Variants in CRYGA observed in about 807,000 individuals in gnomAD.
The protein encoded by CRYGA is crystallin gamma A.
A neutral mutation model predicts 13.8 loss-of-function variants in CRYGA; 11 were observed. The ratio of observed to expected loss-of-function variants is 0.80; its 90% CI spans 0.50 to 1.32. CRYGA has a LOEUF of 1.32. Among genes scored for constraint, CRYGA ranks in the 40% most tolerant of loss-of-function variants. The pLI, the probability that CRYGA is intolerant of heterozygous loss-of-function variation, is 0.00. For missense variants in CRYGA, 271 were observed against 234.1 expected (o/e 1.16, Z -1.03); for synonymous variants, 97 against 89.3 (o/e 1.09, Z -0.48).
Position 208,160,856 on chromosome 2 carries a change from C to G in CRYGA, c.473G>C (p.Gly158Ala). 6.2e-7 allele frequency: 1 copy of G among 1,612,368 alleles called. No individual in the cohort carries two copies. The highest frequency in any genetic ancestry group is 8.5e-7 in the Non-Finnish European group (1 of 1,178,438). Residue 158 changes from glycine to alanine, a missense_variant, in exon 3 of 3, where the codon GGG becomes GCG. Gly to Ala is a moderately conservative substitution (Grantham distance 60). Coordinates refer to ENST00000304502, the MANE Select transcript of CRYGA (RefSeq NM_014617.4). ...PGDYRRYHDW[G>A]GADAKVGSLR... is the part of the protein sequence containing the mutation. ...AGAGCCGACTTTGGCATCTGCACCCCCCCAGTCGTGGTACCTTCTGTAGTC... is the reference window on the plus strand; with the variant it reads ...AGAGCCGACTTTGGCATCTGCACCCGCCCAGTCGTGGTACCTTCTGTAGTC...
In CRYGA at chr2:208,163,275, C is replaced by G; in HGVS notation, c.181G>C (p.Gly61Arg). ...YQGHQYFLRR[G>R]KYPDYQHWMG... ...CAGTGCTGATAGTCGGGGTACTTGC[C>G]TCGGCGCAGGAAGTACTGGTGGCCC... Residue 61 changes from glycine to arginine, a missense_variant, in exon 2 of 3, where the codon GGC becomes CGC. Coordinates refer to ENST00000304502, the MANE Select transcript of CRYGA (RefSeq NM_014617.4). The G allele has an allele frequency of 1.2e-6, 2 of 1,614,050 alleles. No individual in the cohort carries two copies. The highest frequency in any genetic ancestry group is 1.7e-6 in the Non-Finnish European group (2 of 1,180,022).
chr2:208,161,943 T>A (rs981649426), intron 2 of CRYGA, among the ~76,000 whole-genome samples: 9 of 152,136 alleles, frequency 5.9e-5, no homozygotes, highest in South Asian at 2.1e-4. Context: ...TTTTTTATTT[T>A]TTTATTTTTT....
chr2:208,163,582 T>G lies in CRYGA; in HGVS notation c.-26A>C. 6.2e-7 allele frequency: 1 copy of G among 1,606,332 alleles called. No individual in the cohort carries two copies. The highest frequency in any genetic ancestry group is 8.5e-7 in the Non-Finnish European group (1 of 1,177,268). ...GGTTGTTGACAGAGGGTGATTAGCA[T>G]CTAGTATGATAGGGACAAAGGGGCA... On this transcript the variant is annotated 5_prime_UTR_variant, in exon 1 of 3. The change abolishes an upstream ATG in the 5' untranslated region. Transcript: ENST00000304502.
chr2:208,161,168 G>A (rs1404006373), intron 2 of CRYGA, 92 bp from the exon 3 acceptor site: 1 of 1,249,056 alleles, frequency 8.0e-7, no homozygotes, highest in Non-Finnish European at 1.1e-6. Flanking sequence ...TCTTCATGAA[G>A]CATGGCTTTT....
At chr2:208,162,901 C>T (rs1407801703) in intron 2 of CRYGA, among the ~76,000 whole-genome samples, 1 of 138,730 alleles carries the variant, frequency 7.2e-6, no homozygotes, top group African/African-American at 2.7e-5. Context: ...TTCTTTCTTT[C>T]TTTTTTTTTT....
At chr2:208,163,078 G>T in intron 2 of CRYGA, 126 bp downstream of exon 2, 1 of 761,234 alleles carries the variant, frequency 1.3e-6, no homozygotes, top group Non-Finnish European at 2.2e-6. Context: ...ATGTTTGAGG[G>T]TCAGGCCTTG....
At chr2:208,161,267 G>A (rs1695752988) in intron 2 of CRYGA, among the ~76,000 whole-genome samples, 191 bp from the exon 3 acceptor site, 1 of 152,046 alleles carries the variant, frequency 6.6e-6, no homozygotes, top group Non-Finnish European at 1.5e-5. Flanking sequence ...TCACCTCCTG[G>A]GCTTAAGTAA....
chr2:208,161,171 T>C, intron 2 of CRYGA, 95 bp from the exon 3 acceptor site: 2 of 1,202,926 alleles, frequency 1.7e-6, no homozygotes, highest in South Asian at 1.5e-5. Flanking sequence ...TCATGAAGCA[T>C]GGCTTTTATT....
In CRYGA at chr2:208,160,864, G is replaced by A. The variant is rs754121301; in HGVS notation, c.465C>T (p.His155=). The A allele has an allele frequency of 3.7e-6, 6 of 1,611,936 alleles. No individual in the cohort carries two copies. The highest frequency in any genetic ancestry group is 1.7e-4 in the Middle Eastern group (1 of 6,058). The change falls in exon 3 of 3, where the codon CAC becomes CAT. Residue 155 remains histidine, a synonymous_variant. Coordinates refer to ENST00000304502, the MANE Select transcript of CRYGA (RefSeq NM_014617.4). ...CTTTGGCATCTGCACCCCCCCAGTCGTGGTACCTTCTGTAGTCCCCAGGCC... is the reference window on the plus strand; with the variant it reads ...CTTTGGCATCTGCACCCCCCCAGTCATGGTACCTTCTGTAGTCCCCAGGCC... ...LLRPGDYRRY[H]DWGGADAKVG... is the part of the protein sequence containing the mutation.
At chr2:208,163,116 T>C in intron 2 of CRYGA, 88 bp downstream of exon 2, 4 of 1,119,140 alleles carry the variant, frequency 3.6e-6, no homozygotes, top group Non-Finnish European at 5.3e-6. Context: ...ACTCATCCTG[T>C]GTTGGAACAA....
At chr2:208,163,487 G>T (rs765662559) in intron 1 of CRYGA, 41 bp from the exon 2 acceptor site, 18 of 1,612,530 alleles carry the variant, frequency 1.1e-5, no homozygotes, top group Non-Finnish European at 2.5e-6. Context: ...TCAGCTGGAA[G>T]GAACATCCCC....
intron 2 of CRYGA, among the ~76,000 whole-genome samples, chr2:208,161,531 T>C (rs953197114): frequency 5.9e-5 from 9 of 152,220 alleles, no homozygotes; most frequent in African/African-American, 2.2e-4. Flanking sequence ...CTGAACCCAC[T>C]TTCAATGTTG....
chr2:208,161,430 T>C (rs1695756329), intron 2 of CRYGA, among the ~76,000 whole-genome samples: 2 of 147,600 alleles, frequency 1.4e-5, no homozygotes, highest in Admixed American at 7.0e-5. Context: ...TTCTCTCACC[T>C]TGGCCTCCCA....
chr2:208,163,264 G>A lies in CRYGA; in HGVS notation c.192C>T (p.Pro64=), dbSNP rs200475169. Residue 64 remains proline (P), a synonymous_variant, in exon 2 of 3, where the codon CCC becomes CCT. Coordinates refer to ENST00000304502, the MANE Select transcript of CRYGA (RefSeq NM_014617.4). ...HQYFLRRGKY[P]DYQHWMGLSD... ...TGAGGCCCATCCAGTGCTGATAGTC[G>A]GGGTACTTGCCTCGGCGCAGGAAGT... The A allele has an allele frequency of 9.3e-5, 150 of 1,613,964 alleles. 1 individual carries two copies. The East Asian group carries it at 2.1e-3, about 22-fold the overall frequency.
At chr2:208,162,212 C>T (rs1234907196) in intron 2 of CRYGA, among the ~76,000 whole-genome samples, 5 of 152,100 alleles carry the variant, frequency 3.3e-5, no homozygotes, top group African/African-American at 4.8e-5. Context: ...GCTAGGATTA[C>T]GGGCGTGAGC....
chr2:208,161,333 C>A (rs533391056), intron 2 of CRYGA, among the ~76,000 whole-genome samples: 1 of 150,516 alleles, frequency 6.6e-6, no homozygotes, highest in Non-Finnish European at 1.5e-5. Context: ...CTGTGACACC[C>A]GGCTAATTTA....
Position 208,160,943 on chromosome 2 carries a change from C to A in CRYGA, c.386G>T (p.Gly129Val), listed in dbSNP as rs1025457304. The A allele has an allele frequency of 1.2e-6, 2 of 1,613,876 alleles. No homozygotes were observed. The highest frequency in any genetic ancestry group is 2.7e-5 in the African/African-American group (2 of 74,954). ...GGGCATTTCATAGAGGACCCAGCAGCCCTCCAGTACGTGGAGGGAATAGAT... is the reference window on the plus strand; with the variant it reads ...GGGCATTTCATAGAGGACCCAGCAGACCTCCAGTACGTGGAGGGAATAGAT... ...PEIYSLHVLE[G>V]CWVLYEMPNY... Residue 129 changes from glycine (G) to valine (V), a missense_variant, in exon 3 of 3, where the codon GGC becomes GTC. Transcript: ENST00000304502.
chr2:208,161,118 C>T, intron 2 of CRYGA, 42 bp from the exon 3 acceptor site: 1 of 1,590,408 alleles, frequency 6.3e-7, no homozygotes, highest in Non-Finnish European at 8.6e-7. Context: ...AAACAGCATG[C>T]ATCCTTGGGT....
chr2:208,161,134 C>T (rs1345165433), intron 2 of CRYGA, 58 bp from the exon 3 acceptor site: 44 of 1,504,134 alleles, frequency 2.9e-5, no homozygotes, highest in East Asian at 6.8e-5. Flanking sequence ...TGGGTGTCAA[C>T]GAAAGTGACA....
Sources: allele counts gnomAD v4.1 joint callset (sites outside exome capture counted in the v4.1 genomes callset), GRCh38; gene constraint gnomAD v4.1.1; transcripts MANE v1.5; gene names NCBI Gene and HGNC (gene_info 2026-07-23, HGNC 2026-07-21).